The following BICDL1 variants were observed in gnomAD, a reference collection of about 807,000 sequenced individuals.
BICDL1 encodes the protein BICD family like cargo adaptor 1, also known as BICD family-like cargo adapter 1.
A neutral mutation model predicts 76.8 loss-of-function variants in BICDL1; 20 were observed. The observed-to-expected ratio is 0.26, with a 90% CI of 0.18 to 0.38. The LOEUF (loss-of-function observed/expected upper bound fraction) is 0.38, where lower values mean the gene tolerates loss of function less well. Among genes scored for constraint, BICDL1 ranks in the 10% least tolerant of loss-of-function variants. BICDL1 has a pLI of 1.00. For missense variants in BICDL1, 700 were observed against 798.6 expected, an observed-to-expected ratio of 0.88 and a Z score of 1.49; for synonymous variants, 383 against 337.1, an observed-to-expected ratio of 1.14 and a Z score of -1.49.
At chr12:120,089,657 C>T (rs911262479) in intron 8 of BICDL1, among the ~76,000 whole-genome samples, 1 of 152,238 alleles carries the variant, frequency 6.6e-6, no homozygotes, top group African/African-American at 2.4e-5. Flanking sequence ...GCTGGGATTA[C>T]AGGCATGAGC....
rs1874936498 is a variant in BICDL1, at chr12:120,091,243, A to AG, written c.1704+1172_1704+1173insG. The AG allele has an allele frequency of 1.1e-5, 13 of 1,154,724 alleles. No individual in the cohort carries two copies. The Admixed American group carries it at 1.9e-4, about 17-fold the overall frequency. 71.5% of individuals were successfully genotyped at this position (1,154,724 alleles called of 1,614,324 possible). ...TGCTAACGGCTGGTGCCGTCTTCTC[A>AG]TAGATGGCTGTTCCATCCACTGAGG... On this transcript the variant is annotated intron_variant, in intron 9 of 9. Coordinates refer to ENST00000548673, the MANE Select transcript of BICDL1 (RefSeq NM_001367886.1).
rs1594161708 is a variant in BICDL1 at position 120,045,766 on chromosome 12, T to C, written c.646-15944T>C. ...GGGGAACATCACACTCTGGGGACTGTTGTGGGATGGGGGGAGGGGGGAGGG... is the reference window on the plus strand; with the variant it reads ...GGGGAACATCACACTCTGGGGACTGCTGTGGGATGGGGGGAGGGGGGAGGG... On this transcript the variant is annotated intron_variant, in intron 2 of 9. Transcript: ENST00000548673. Among the ~76,000 whole-genome samples, 7 of 107,202 alleles carry C rather than the reference T, an allele frequency of 6.5e-5. No homozygotes were observed. The South Asian group carries it at 2.7e-3, about 41-fold the overall frequency. The allele number at this position is 107,202 out of a possible 152,430, so 70.3% of individuals were successfully genotyped here.
At chr12:120,059,316 C>A (rs1953052216) in intron 2 of BICDL1, among the ~76,000 whole-genome samples, 2 of 152,058 alleles carry the variant, frequency 1.3e-5, no homozygotes, top group South Asian at 4.1e-4. Flanking sequence ...GTAGCCTGGG[C>A]TGGAGTGCAG....
chr12:120,016,401 A>C (rs145078473), intron 2 of BICDL1, among the ~76,000 whole-genome samples: 167 of 144,060 alleles, frequency 1.2e-3, no homozygotes, highest in African/African-American at 4.2e-3. Flanking sequence ...GTAGATATTT[A>C]GGAGTGGAAT....
At chr12:120,072,884 T>G (rs1400361431) in intron 6 of BICDL1, among the ~76,000 whole-genome samples, 155 bp downstream of exon 6, 1 of 152,136 alleles carries the variant, frequency 6.6e-6, no homozygotes. Flanking sequence ...TTGGATTTTG[T>G]TTTTGAGACA....
chr12:119,994,180 C>T (rs1006003910), intron 1 of BICDL1, among the ~76,000 whole-genome samples: 2 of 152,014 alleles, frequency 1.3e-5, no homozygotes, highest in African/African-American at 4.8e-5. Context: ...TATTTTCCTC[C>T]TTCCCCAGGC....
At chr12:120,090,187 A>C (rs1231215776) in intron 9 of BICDL1, 116 bp downstream of exon 9, 16 of 1,227,204 alleles carry the variant, frequency 1.3e-5, no homozygotes, top group Non-Finnish European at 1.8e-5. Flanking sequence ...GGTGAACAGC[A>C]CATCCCAGTC....
At chr12:120,050,117 A>G (rs980553064) in intron 2 of BICDL1, among the ~76,000 whole-genome samples, 21 of 152,152 alleles carry the variant, frequency 1.4e-4, no homozygotes, top group Admixed American at 3.9e-4. Context: ...TCTTTGAAGT[A>G]TCTGTTCGAA....
chr12:119,996,077 C>G (rs1009842520), intron 1 of BICDL1, among the ~76,000 whole-genome samples: 1 of 152,108 alleles, frequency 6.6e-6, no homozygotes, highest in African/African-American at 2.4e-5. Context: ...AAGGCCCTCC[C>G]TTGTCATTTC....
At chr12:119,998,231 A>C (rs376341658) in intron 1 of BICDL1, among the ~76,000 whole-genome samples, 9 of 152,326 alleles carry the variant, frequency 5.9e-5, no homozygotes, top group East Asian at 5.8e-4. Context: ...ATGATTGGCA[A>C]ATTTCAAGTG....
At chr12:120,020,990 C>CAA (rs925354973) in intron 2 of BICDL1, among the ~76,000 whole-genome samples, 1 of 150,580 alleles carries the variant, frequency 6.6e-6, no homozygotes, top group Non-Finnish European at 1.5e-5. Flanking sequence ...AGGACTTTTA[C>CAA]AAAAAAAAAC....
intron 9 of BICDL1, chr12:120,092,011 C>T (rs1875016559): frequency 1.9e-5 from 19 of 985,282 alleles, no homozygotes; most frequent in Non-Finnish European, 2.2e-5. Flanking sequence ...ACCAGGATGC[C>T]GCAGAGCCTG....
chr12:120,070,172 A>T (rs867038074), intron 4 of BICDL1, among the ~76,000 whole-genome samples: 1 of 152,184 alleles, frequency 6.6e-6, no homozygotes, highest in East Asian at 1.9e-4. Flanking sequence ...TAGAATATAG[A>T]TTCTATTTAA....
At chr12:120,014,249 C>T (rs890474469) in intron 2 of BICDL1, among the ~76,000 whole-genome samples, 5 of 152,186 alleles carry the variant, frequency 3.3e-5, no homozygotes, top group African/African-American at 1.2e-4. Context: ...TAGAACCTAC[C>T]TACCAGTTAC....
intron 9 of BICDL1, chr12:120,090,714 G>A (rs966910109): frequency 3.4e-5 from 13 of 378,784 alleles, no homozygotes; most frequent in Admixed American, 1.1e-4. Context: ...ATGAAAAGCC[G>A]TCTGTGGCTT....
At chr12:119,999,904 G>A (rs1371532666) in intron 2 of BICDL1, 1 of 328,264 alleles carries the variant, frequency 3.0e-6, no homozygotes. Flanking sequence ...GCAGTGCCGT[G>A]TCTGCATGGT....
In BICDL1 at chr12:119,989,477, A is replaced by AGCG. The variant is rs1555277965; in HGVS notation, c.-389_-387dup. Among the ~76,000 whole-genome samples, 1 of 149,704 alleles carries AGCG rather than the reference A, an allele frequency of 6.7e-6. No individual in the cohort carries two copies. The highest frequency in any genetic ancestry group is 6.6e-5 in the Admixed American group (1 of 15,120). On this transcript the variant is annotated 5_prime_UTR_variant, in exon 1 of 10. Coordinates refer to ENST00000548673, the MANE Select transcript of BICDL1 (RefSeq NM_001367886.1). ...GGCCGGCGGCGGCAGCAGCAGCAGCAGCGGCAGCGGCAACAGGGCGGCTGA... is the reference window on the plus strand; with the variant it reads ...GGCCGGCGGCGGCAGCAGCAGCAGCAGCGGCGGCAGCGGCAACAGGGCGGCTGA...
chr12:120,013,275 C>T (rs530448754), intron 2 of BICDL1, among the ~76,000 whole-genome samples: 3 of 147,174 alleles, frequency 2.0e-5, no homozygotes, highest in African/African-American at 7.6e-5. Context: ...GATCACACCT[C>T]TTCACTCCAG....
intron 2 of BICDL1, among the ~76,000 whole-genome samples, chr12:120,056,777 T>C (rs918305708): frequency 6.7e-6 from 1 of 149,980 alleles, no homozygotes; most frequent in Non-Finnish European, 1.5e-5. Flanking sequence ...GGGTCCTAGA[T>C]GGATGTGGAG....
Sources: gnomAD v4.1 joint callset for allele counts (sites outside exome capture counted in the v4.1 genomes callset) on GRCh38, gnomAD v4.1.1 for gene constraint, MANE v1.5 for transcripts, NCBI Gene and HGNC (gene_info 2026-07-23, HGNC 2026-07-21) for gene names.